The following TARS1 variants were observed in gnomAD, a reference collection of about 807,000 sequenced individuals.
The protein encoded by TARS1 is threonine--tRNA ligase 1, cytoplasmic.
Under a neutral mutation model 97.7 loss-of-function variants are expected in TARS1, and 57 were observed. The ratio of observed to expected loss-of-function variants is 0.58; its 90% CI spans 0.47 to 0.73. The LOEUF (loss-of-function observed/expected upper bound fraction) is 0.73, where lower values mean the gene tolerates loss of function less well. Among genes scored for constraint, TARS1 ranks in the 30% least tolerant of loss-of-function variants. The pLI, the probability that TARS1 is intolerant of heterozygous loss-of-function variation, is 0.00. For synonymous variants in TARS1, 312 were observed against 293.7 expected (o/e 1.06, Z -0.64); for missense variants, 806 against 888.3 (o/e 0.91, Z 1.18).
At position 33,449,445 on chromosome 5, in the gene TARS1, C is replaced by CTTTTTTTTTTTTTTTTTT. The variant is rs57691465; in HGVS notation, c.329+722_329+739dup. Among the ~76,000 whole-genome samples, 20 of 69,146 alleles carry CTTTTTTTTTTTTTTTTTT rather than the reference C, an allele frequency of 2.9e-4. 1 individual carries two copies. Among genetic ancestry groups the CTTTTTTTTTTTTTTTTTT allele is most frequent in the African/African-American group, 7.5e-4 (13 of 17,246 alleles). 45.4% of individuals were successfully genotyped at this position (69,146 alleles called of 152,430 possible). On this transcript the variant is annotated intron_variant, in intron 3 of 18. Coordinates refer to ENST00000265112, the MANE Select transcript of TARS1 (RefSeq NM_152295.5). ...AATAAAAATGATTCTTTTTTTCTTT[C>CTTTTTTTTTTTTTTTTTT]TTTTTTTTTTTTTTTTTTTTTTTTT...
chr5:33,440,826 C>T (rs1053896507), upstream of TARS1: 1 of 552,064 alleles, frequency 1.8e-6, no homozygotes, highest in African/African-American at 1.9e-5. Context: ...TCCTCACCCT[C>T]CGCGACCTGA....
chr5:33,462,641 T>A (rs972277045), intron 16 of TARS1, among the ~76,000 whole-genome samples: 16 of 152,188 alleles, frequency 1.1e-4, no homozygotes, highest in Non-Finnish European at 5.9e-5. Context: ...GCCAAGCATT[T>A]TTTAAAACAG....
intron 9 of TARS1, among the ~76,000 whole-genome samples, chr5:33,458,288 C>G (rs1475248304): frequency 6.6e-6 from 1 of 152,182 alleles, no homozygotes; most frequent in East Asian, 1.9e-4. Context: ...AGTTAAAGAA[C>G]TGAAGGGACC....
chr5:33,463,824 A>G lies in TARS1; in HGVS notation c.1907A>G (p.Lys636Arg), dbSNP rs139554134. The change falls in exon 17 of 19, where the codon AAG becomes AGG. Residue 636 changes from lysine to arginine, a missense_variant and splice_region_variant. By Grantham distance (26) the Lys-to-Arg change is conservative. Coordinates refer to ENST00000265112, the MANE Select transcript of TARS1 (RefSeq NM_152295.5). ...CCAACCTGTGATGAATATGCCCAAA[A>G]GGTAAGCCTTAGATATGAATTTTCT... ...VGPTCDEYAQ[K>R]VRQQFHDAKF... The G allele has an allele frequency of 8.3e-4, 1,339 of 1,610,066 alleles. No homozygotes were observed. The highest frequency in any genetic ancestry group is 9.1e-4 in the Non-Finnish European group (1,073 of 1,177,646).
In TARS1 at chr5:33,461,963, C is replaced by A. The variant is rs766900497; in HGVS notation, c.1687C>A (p.Leu563Met). 5 of 1,614,084 alleles carry A rather than the reference C, an allele frequency of 3.1e-6. No homozygotes were observed. Among genetic ancestry groups the A allele is most frequent in the Non-Finnish European group, 2.5e-6 (3 of 1,179,974 alleles). The change falls in exon 15 of 19, where the codon CTG (leucine) becomes ATG (methionine). Residue 563 changes from leucine (L) to methionine (M), a missense_variant. Physicochemically the swap from Leu to Met is conservative, Grantham distance 15. Coordinates refer to ENST00000265112, the MANE Select transcript of TARS1 (RefSeq NM_152295.5). The stretch of plus-strand genomic sequence containing the variant: ...GTACCACCAGTGTGCAACCATCCAG[C>A]TGGATTTCCAGTTGCCCATCAGATT... ...GRYHQCATIQ[L>M]DFQLPIRFNL...
Position 33,457,525 on chromosome 5 carries a change from A to G in TARS1, c.984+122A>G, listed in dbSNP as rs1029204182. 5.8e-6 allele frequency: 6 copies of G among 1,040,926 alleles called. No individual in the cohort carries two copies. In the African/African-American group the frequency reaches 9.7e-5, roughly 17 times the overall value. The allele number at this position is 1,040,926 out of a possible 1,614,324, so 64.5% of individuals were successfully genotyped here. A position where few individuals can be genotyped will look rare whatever the true frequency, so the allele number is the denominator to read the frequency against. On this transcript the variant is annotated intron_variant, in intron 9 of 18. Coordinates refer to ENST00000265112, the MANE Select transcript of TARS1 (RefSeq NM_152295.5). ...GAAGAGATGTTGTGGCTTTTTAGTA[A>G]CTGGTGCTATGTCCTGTACAAACTA...
In TARS1 at chr5:33,440,970, C is replaced by T; in HGVS notation, c.-117C>T. The T allele has an allele frequency of 7.7e-7, 1 of 1,304,738 alleles. No individual in the cohort carries two copies. Among genetic ancestry groups the T allele is most frequent in the Admixed American group, 2.0e-5 (1 of 50,784 alleles). 80.8% of individuals were successfully genotyped at this position (1,304,738 alleles called of 1,614,324 possible). A position where few individuals can be genotyped will look rare whatever the true frequency, so the allele number is the denominator to read the frequency against. On this transcript the variant is annotated 5_prime_UTR_variant, in exon 1 of 19. Coordinates refer to ENST00000265112, the MANE Select transcript of TARS1 (RefSeq NM_152295.5). ...GCGGGGTTAGGGCGCCTTTCGATTG[C>T]ATCAGCTGGTCCAGCCGAGGCCAAG... is the stretch of plus-strand genomic sequence containing the variant.
Position 33,463,786 on chromosome 5 carries a change from A to G in TARS1, c.1869A>G (p.Val623=), listed in dbSNP as rs1742405773. The G allele has an allele frequency of 1.2e-6, 2 of 1,612,528 alleles. No individual in the cohort carries two copies. The highest frequency in any genetic ancestry group is 1.7e-6 in the Non-Finnish European group (2 of 1,179,320). ...GGCTGTCCCCTCGCCAGGTAATGGT[A>G]GTTCCAGTGGGACCAACCTGTGATG... ...PFWLSPRQVM[V]VPVGPTCDEY... is the part of the protein sequence containing the mutation. Residue 623 remains valine, a synonymous_variant, in exon 17 of 19, where the codon GTA becomes GTG. Transcript: ENST00000265112.
At chr5:33,467,473 C>T (rs1742581180) in intron 18 of TARS1, 87 bp from the exon 19 acceptor site, 1 of 1,496,594 alleles carries the variant, frequency 6.7e-7, no homozygotes, top group African/African-American at 1.4e-5. Flanking sequence ...GGTTTTGGGT[C>T]CTAGGATCAT....
chr5:33,445,226 TAAC>T, intron 1 of TARS1, 95 bp from the exon 2 acceptor site: 1 of 901,236 alleles, frequency 1.1e-6, no homozygotes, highest in South Asian at 1.9e-5. Flanking sequence ...TTAAATTAAA[TAAC>T]AAATACTAAA....
chr5:33,451,307 GGGAA>G (rs1561071204), intron 3 of TARS1, among the ~76,000 whole-genome samples: 1 of 151,840 alleles, frequency 6.6e-6, no homozygotes, highest in African/African-American at 2.4e-5. Context: ...GAATATGAAA[GGGAA>G]GGACAAAAAA....
intron 17 of TARS1, among the ~76,000 whole-genome samples, chr5:33,465,516 T>G (rs892276867): frequency 3.3e-5 from 5 of 152,178 alleles, no homozygotes; most frequent in African/African-American, 9.7e-5. Context: ...TTGAGAAAAA[T>G]GAAGAAACTG....
At chr5:33,445,632 T>C (rs1201677375) in intron 2 of TARS1, among the ~76,000 whole-genome samples, 1 of 152,214 alleles carries the variant, frequency 6.6e-6, no homozygotes, top group Non-Finnish European at 1.5e-5. Flanking sequence ...TTGTATAAGA[T>C]GATCTGATTG....
intron 10 of TARS1, 75 bp from the exon 11 acceptor site, chr5:33,459,620 C>G: frequency 6.5e-7 from 1 of 1,530,916 alleles, no homozygotes; most frequent in East Asian, 2.3e-5. Context: ...TATAAAATCA[C>G]TCTTTAAGTT....
chr5:33,456,886 C>T (rs528408622), intron 8 of TARS1, among the ~76,000 whole-genome samples: 2 of 152,368 alleles, frequency 1.3e-5, no homozygotes, highest in East Asian at 1.9e-4. Context: ...TGCCACTGCA[C>T]TCCAGGCTCA....
At chr5:33,442,279 A>C (rs1194585628) in intron 1 of TARS1, among the ~76,000 whole-genome samples, 3 of 148,948 alleles carry the variant, frequency 2.0e-5, no homozygotes, top group Non-Finnish European at 4.5e-5. Flanking sequence ...GACTATACGT[A>C]GATTTTTTTC....
chr5:33,467,725 A>G lies in TARS1; in HGVS notation c.*17A>G. The G allele has an allele frequency of 2.5e-6, 4 of 1,601,422 alleles. No homozygotes were observed. The East Asian group carries it at 8.9e-5, about 36-fold the overall frequency. On this transcript the variant is annotated 3_prime_UTR_variant, in exon 19 of 19. Transcript: ENST00000265112. ...GAATTTTAATGAAAAAATTACCCAG[A>G]TTGGCTCCATGGAAAAGGAGGAACA...
At position 33,467,626 on chromosome 5, in the gene TARS1, G is replaced by C. The variant is rs1742596806; in HGVS notation, c.2090G>C (p.Gly697Ala). 1 of 1,613,898 alleles carries C rather than the reference G, an allele frequency of 6.2e-7. No individual in the cohort carries two copies. The highest frequency in any genetic ancestry group is 8.5e-7 in the Non-Finnish European group (1 of 1,179,974). Residue 697 changes from glycine to alanine, a missense_variant, in exon 19 of 19, where the codon GGG becomes GCG. By Grantham distance (60) the Gly-to-Ala change is moderately conservative. Transcript: ENST00000265112. Reference protein sequence around the residue: ...NIRTRDNKVHGERTISETIER... With the variant: ...NIRTRDNKVHAERTISETIER... Reference sequence around the variant, plus strand: ...CGCACAAGAGACAATAAGGTCCACGGGGAACGCACCATTTCTGAAACTATC... The same window carrying C: ...CGCACAAGAGACAATAAGGTCCACGCGGAACGCACCATTTCTGAAACTATC...
chr5:33,455,741 T>C (rs1741982727), intron 6 of TARS1, 37 bp downstream of exon 6: 1 of 1,387,566 alleles, frequency 7.2e-7, no homozygotes. Flanking sequence ...CCACTGTTAA[T>C]ATCATTTATT....
Sources: allele counts gnomAD v4.1 joint callset (sites outside exome capture counted in the v4.1 genomes callset), GRCh38; gene constraint gnomAD v4.1.1; transcripts MANE v1.5; gene names NCBI Gene and HGNC (gene_info 2026-07-23, HGNC 2026-07-21).